The following CDH13 variants were observed in gnomAD, a reference collection of about 807,000 sequenced individuals.
The protein encoded by CDH13 is cadherin-13.
A neutral mutation model predicts 63.8 loss-of-function variants in CDH13; 24 were observed. That is an observed-to-expected ratio of 0.38 (90% CI 0.27 to 0.53). The LOEUF (loss-of-function observed/expected upper bound fraction) is 0.53, where lower values mean the gene tolerates loss of function less well. Ranked by LOEUF, CDH13 falls within the 20% of genes least tolerant of loss-of-function variation. The probability of loss-of-function intolerance (pLI) is 0.85; values close to 1 mark genes in which losing one functional copy is unlikely to be tolerated. For missense variants in CDH13, 1,049 were observed against 903.1 expected (o/e 1.16, Z -2.07); for synonymous variants, 503 against 355.3 (o/e 1.42, Z -4.67).
intron 5 of CDH13, among the ~76,000 whole-genome samples, chr16:83,277,133 G>C (rs754930828): frequency 3.3e-5 from 5 of 152,060 alleles, no homozygotes; most frequent in Non-Finnish European, 7.3e-5. Context: ...TACAAAATGG[G>C]CACTCAATAA....
intron 3 of CDH13, among the ~76,000 whole-genome samples, chr16:83,096,920 C>T (rs975562199): frequency 8.5e-5 from 13 of 152,076 alleles, no homozygotes; most frequent in Admixed American, 8.5e-4. Flanking sequence ...AAAATATTTA[C>T]TAATTCTCAT....
intron 1 of CDH13, among the ~76,000 whole-genome samples, chr16:82,674,031 A>G (rs890050091): frequency 1.3e-5 from 2 of 152,266 alleles, no homozygotes; most frequent in African/African-American, 4.8e-5. Flanking sequence ...GAAGAAGGGG[A>G]ACAGAGCTGA....
chr16:83,466,371 C>G lies in CDH13; in HGVS notation c.782-20106C>G, dbSNP rs2073316051. 2.0e-5 allele frequency among the ~76,000 whole-genome samples: 3 copies of G among 152,148 alleles called. No homozygotes were observed. The South Asian group carries it at 6.2e-4, about 32-fold the overall frequency. On this transcript the variant is annotated intron_variant, in intron 6 of 13. Transcript: ENST00000567109. ...GGCAAGAGAGTCTAGCGGCAATAAG[C>G]TGGACATTAGAACCGCCTTATATAC...
At chr16:83,561,095 ATGT>A (rs747287358) in intron 7 of CDH13, among the ~76,000 whole-genome samples, 3 of 151,928 alleles carry the variant, frequency 2.0e-5, no homozygotes, top group Non-Finnish European at 2.9e-5. Flanking sequence ...TTTTGTTTGG[ATGT>A]TGTTCTTTTC....
chr16:83,010,373 C>G (rs753326610), intron 2 of CDH13, among the ~76,000 whole-genome samples: 2 of 152,032 alleles, frequency 1.3e-5, no homozygotes, highest in Non-Finnish European at 2.9e-5. Flanking sequence ...TAAGAGAAAG[C>G]TTGAATGACA....
chr16:83,402,875 C>A (rs753433013), intron 6 of CDH13, among the ~76,000 whole-genome samples: 3 of 152,150 alleles, frequency 2.0e-5, no homozygotes, highest in South Asian at 4.2e-4. Flanking sequence ...AGATACGTCC[C>A]CTTCTCCTTG....
chr16:82,835,353 T>C (rs1184957578), intron 1 of CDH13, among the ~76,000 whole-genome samples: 1 of 152,166 alleles, frequency 6.6e-6, no homozygotes, highest in African/African-American at 2.4e-5. Flanking sequence ...CGTATAAATC[T>C]TGGTCTCTTC....
rs1324678848 is a variant in CDH13 at position 82,639,389 on chromosome 16, T to TC, written c.45+12257dup. On this transcript the variant is annotated intron_variant, in intron 1 of 13. Transcript: ENST00000567109. Reference sequence around the variant, plus strand: ...AAACAACCCACCTGCACTGCATGGTTCCCCCAGCAAGAACATCCCAGTGAG... The same window carrying TC: ...AAACAACCCACCTGCACTGCATGGTTCCCCCCAGCAAGAACATCCCAGTGAG... 3 of 1,535,404 alleles carry TC rather than the reference T, an allele frequency of 2.0e-6. No individual in the cohort carries two copies. In the African/African-American group the frequency reaches 4.1e-5, roughly 21 times the overall value.
intron 1 of CDH13, among the ~76,000 whole-genome samples, chr16:82,681,101 A>C (rs1914491842): frequency 6.6e-6 from 1 of 152,222 alleles, no homozygotes. Context: ...GCAATCTGCA[A>C]AAAGATATTC....
At chr16:83,454,066 CTG>C (rs1347019149) in intron 6 of CDH13, among the ~76,000 whole-genome samples, 2 of 152,186 alleles carry the variant, frequency 1.3e-5, no homozygotes, top group African/African-American at 4.8e-5. Context: ...CTGTCACTAT[CTG>C]TGGAAAAATT....
chr16:83,384,681 A>G (rs993033326), intron 6 of CDH13, among the ~76,000 whole-genome samples: 3 of 152,208 alleles, frequency 2.0e-5, no homozygotes, highest in African/African-American at 7.2e-5. Flanking sequence ...AGAGTGGTGA[A>G]GAGGAGGCTA....
chr16:83,017,447 A>G (rs1304181614), intron 2 of CDH13, among the ~76,000 whole-genome samples: 1 of 152,178 alleles, frequency 6.6e-6, no homozygotes, highest in Non-Finnish European at 1.5e-5. Flanking sequence ...CTCTTTCCCA[A>G]GGACCTGGAA....
intron 7 of CDH13, among the ~76,000 whole-genome samples, chr16:83,500,719 A>G (rs570581077): frequency 9.9e-4 from 148 of 149,514 alleles, no homozygotes; most frequent in African/African-American, 2.0e-3. Flanking sequence ...ATTACAGGAA[A>G]GGCACCCACC....
At position 83,793,115 on chromosome 16, in the gene CDH13, A is replaced by T. The variant is rs533900845; in HGVS notation, c.2135-1908A>T. Among the ~76,000 whole-genome samples the T allele has an allele frequency of 4.6e-5, 7 of 152,126 alleles. No homozygotes were observed. The East Asian group carries it at 5.8e-4, about 13-fold the overall frequency. On this transcript the variant is annotated intron_variant, in intron 13 of 13. Coordinates refer to ENST00000567109, the MANE Select transcript of CDH13 (RefSeq NM_001257.5). ...ATTTCTTTCTTTTTTCCTTCTTTTG[A>T]TGGAGCAAGACTGTAACAGAAGCCT...
chr16:83,452,725 T>A (rs1354254935), intron 6 of CDH13, among the ~76,000 whole-genome samples: 1 of 152,216 alleles, frequency 6.6e-6, no homozygotes, highest in Non-Finnish European at 1.5e-5. Flanking sequence ...CAATGCAGTG[T>A]GATGAGGAAC....
At chr16:83,302,525 A>G (rs2089773269) in intron 5 of CDH13, among the ~76,000 whole-genome samples, 1 of 152,244 alleles carries the variant, frequency 6.6e-6, no homozygotes, top group Admixed American at 6.5e-5. Flanking sequence ...GAAAGTCACA[A>G]CATAAATGTC....
At chr16:82,871,034 A>G (rs1017203621) in intron 2 of CDH13, among the ~76,000 whole-genome samples, 1 of 152,216 alleles carries the variant, frequency 6.6e-6, no homozygotes, top group African/African-American at 2.4e-5. Context: ...ATGGAGTCAA[A>G]TGATGTTCCA....
intron 10 of CDH13, among the ~76,000 whole-genome samples, chr16:83,683,204 C>G (rs569494262): frequency 2.6e-5 from 4 of 152,330 alleles, no homozygotes; most frequent in African/African-American, 9.6e-5. Context: ...TTAAAAAGCC[C>G]TTCACATTGT....
At chr16:83,460,919 C>A (rs1255668576) in intron 6 of CDH13, among the ~76,000 whole-genome samples, 1 of 150,802 alleles carries the variant, frequency 6.6e-6, no homozygotes, top group African/African-American at 2.4e-5. Context: ...CCTGGGCAGT[C>A]GAGGTTGCTG....
Sources: gnomAD v4.1 joint callset for allele counts (sites outside exome capture counted in the v4.1 genomes callset) on GRCh38, gnomAD v4.1.1 for gene constraint, MANE v1.5 for transcripts, NCBI Gene and HGNC (gene_info 2026-07-23, HGNC 2026-07-21) for gene names.